Variants in QKI observed in about 807,000 individuals in gnomAD.
QKI encodes QKI, KH domain containing RNA binding, also known as KH domain-containing RNA-binding protein QKI.
A neutral mutation model predicts 39.0 loss-of-function variants in QKI; 10 were observed. That is an observed-to-expected ratio of 0.26 (90% CI 0.16 to 0.43). The LOEUF (loss-of-function observed/expected upper bound fraction) is 0.43, where lower values mean the gene tolerates loss of function less well. Ranked by LOEUF, QKI falls within the 20% of genes least tolerant of loss-of-function variation. The pLI, the probability that QKI is intolerant of heterozygous loss-of-function variation, is 1.00. For synonymous variants in QKI, 204 were observed against 155.4 expected (o/e 1.31, Z -2.33); for missense variants, 218 against 428.0 (o/e 0.51, Z 4.33).
chr6:163,463,716 C>T (rs1791512436), intron 2 of QKI, among the ~76,000 whole-genome samples: 2 of 152,146 alleles, frequency 1.3e-5, no homozygotes, highest in Admixed American at 1.3e-4. Context: ...GATTATTTAA[C>T]CAATTAATAA....
In QKI at chr6:163,571,449, T is replaced by C. The variant is rs1369848861; in HGVS notation, c.*739T>C. 5 of 152,118 alleles carry C rather than the reference T, an allele frequency of 3.3e-5. No individual in the cohort carries two copies. 9.4% of individuals were successfully genotyped at this position (152,118 alleles called of 1,614,324 possible). A position where few individuals can be genotyped will look rare whatever the true frequency, so the allele number is the denominator to read the frequency against. On this transcript the variant is annotated 3_prime_UTR_variant, in exon 8 of 8. Coordinates refer to ENST00000361752, the MANE Select transcript of QKI (RefSeq NM_006775.3). Reference sequence around the variant, plus strand: ...AATCTTTATTTTACACCTAAAAAAATATGAGAACAAGGTACATGCATTATG... The same window carrying C: ...AATCTTTATTTTACACCTAAAAAAACATGAGAACAAGGTACATGCATTATG...
rs1782590338 is a variant in QKI, at chr6:163,556,160, CAA to C, written c.547-5821_547-5820del. Among the ~76,000 whole-genome samples, 3 of 152,262 alleles carry C rather than the reference CAA, an allele frequency of 2.0e-5. No individual in the cohort carries two copies. The South Asian group carries it at 6.2e-4, about 32-fold the overall frequency. Reference sequence around the variant, plus strand: ...AGTGTCTAAGTCTAGAAAAGTTGAACAATGTATAAATTACATTAAACGTGACC... The same window carrying C: ...AGTGTCTAAGTCTAGAAAAGTTGAACTGTATAAATTACATTAAACGTGACC... On this transcript the variant is annotated intron_variant, in intron 4 of 7. Transcript: ENST00000361752.
intron 2 of QKI, among the ~76,000 whole-genome samples, chr6:163,456,300 TTCTC>T (rs924114154): frequency 3.9e-5 from 6 of 152,122 alleles, no homozygotes; most frequent in African/African-American, 4.8e-5. Flanking sequence ...CTGGTTTATT[TTCTC>T]TCTCTCTGTC....
At chr6:163,480,349 G>C (rs999804740) in intron 3 of QKI, among the ~76,000 whole-genome samples, 2 of 151,930 alleles carry the variant, frequency 1.3e-5, no homozygotes, top group Non-Finnish European at 2.9e-5. Context: ...GTGGTTAGCT[G>C]TGTTAGACCA....
chr6:163,537,285 A>G (rs1396705874), intron 4 of QKI, among the ~76,000 whole-genome samples: 1 of 152,220 alleles, frequency 6.6e-6, no homozygotes. Flanking sequence ...AATACTTAGC[A>G]TAATACCTAG....
chr6:163,531,300 G>C (rs1780834113), intron 3 of QKI, among the ~76,000 whole-genome samples: 1 of 152,188 alleles, frequency 6.6e-6, no homozygotes, highest in African/African-American at 2.4e-5. Flanking sequence ...CCAGCTGTCA[G>C]AGTGGAAGTT....
At chr6:163,512,814 C>T (rs1444471292) in intron 3 of QKI, among the ~76,000 whole-genome samples, 2 of 151,902 alleles carry the variant, frequency 1.3e-5, no homozygotes, top group Non-Finnish European at 2.9e-5. Flanking sequence ...ATAGTGGAAT[C>T]GAGCTGGAAA....
intron 1 of QKI, among the ~76,000 whole-genome samples, 169 bp downstream of exon 1, chr6:163,415,504 C>T (rs1378796471): frequency 3.4e-5 from 5 of 148,696 alleles, no homozygotes; most frequent in African/African-American, 1.2e-4. Context: ...GGGCTTGCGG[C>T]GGGCGGGCGG....
intron 1 of QKI, among the ~76,000 whole-genome samples, chr6:163,426,356 A>T (rs570159583): frequency 1.3e-5 from 2 of 151,948 alleles, no homozygotes; most frequent in Admixed American, 6.6e-5. Context: ...CAAGAATAGC[A>T]TCTTCCACTG....
chr6:163,548,287 A>G (rs941057373), intron 4 of QKI, among the ~76,000 whole-genome samples: 1 of 152,068 alleles, frequency 6.6e-6, no homozygotes, highest in Non-Finnish European at 1.5e-5. Context: ...GAAAGTGATC[A>G]GTGTTTGTTG....
intron 3 of QKI, among the ~76,000 whole-genome samples, chr6:163,480,565 C>CTTA (rs1162823943): frequency 6.6e-6 from 1 of 152,042 alleles, no homozygotes; most frequent in Non-Finnish European, 1.5e-5. Context: ...ATTTAAAAAT[C>CTTA]TTATTATAAT....
intron 1 of QKI, among the ~76,000 whole-genome samples, chr6:163,427,240 T>C (rs931833496): frequency 1.5e-5 from 2 of 135,208 alleles, no homozygotes; most frequent in African/African-American, 5.2e-5. Context: ...TTTATACTCG[T>C]ACCTTTTTTT....
intron 1 of QKI, among the ~76,000 whole-genome samples, chr6:163,439,911 A>AAGTGCTG (rs1399484832): frequency 1.3e-5 from 2 of 152,138 alleles, no homozygotes; most frequent in African/African-American, 4.8e-5. Flanking sequence ...TGGCCTCCCA[A>AAGTGCTG]AGTGCTGGAA....
chr6:163,566,590 G>T, intron 6 of QKI, 131 bp from the exon 7 acceptor site: 1 of 1,530,210 alleles, frequency 6.5e-7, no homozygotes. Flanking sequence ...AAACTACTGT[G>T]CCTTAACGTG....
chr6:163,463,614 T>A (rs1163723061), intron 2 of QKI, among the ~76,000 whole-genome samples: 2 of 152,308 alleles, frequency 1.3e-5, no homozygotes, highest in African/African-American at 4.8e-5. Context: ...TGAGTACTGA[T>A]ATAACTGGAT....
chr6:163,544,585 T>A (rs1466427108), intron 4 of QKI, among the ~76,000 whole-genome samples: 1 of 152,118 alleles, frequency 6.6e-6, no homozygotes, highest in Non-Finnish European at 1.5e-5. Flanking sequence ...GTTCTTACAT[T>A]GGTGGTTTGT....
intron 2 of QKI, among the ~76,000 whole-genome samples, chr6:163,455,713 C>T (rs1790864511): frequency 6.6e-6 from 1 of 152,186 alleles, no homozygotes. Flanking sequence ...GCACCAAGCA[C>T]AACATTGCTC....
chr6:163,563,381 G>T (rs971345454), intron 5 of QKI, 39 bp from the exon 6 acceptor site: 2 of 1,509,292 alleles, frequency 1.3e-6, no homozygotes, highest in South Asian at 1.3e-5. Flanking sequence ...TTATACTGCT[G>T]TCTCTATACT....
intron 1 of QKI, chr6:163,415,818 G>A (rs1233970463): frequency 8.8e-6 from 4 of 454,230 alleles, no homozygotes; most frequent in African/African-American, 4.0e-5. Flanking sequence ...CCGCGTTCGG[G>A]AGCTCTCCCC....
Sources: allele counts gnomAD v4.1 joint callset (sites outside exome capture counted in the v4.1 genomes callset), GRCh38; gene constraint gnomAD v4.1.1; transcripts MANE v1.5; gene names NCBI Gene and HGNC (gene_info 2026-07-23, HGNC 2026-07-21).